The following FAAH variants were observed in gnomAD, a reference collection of about 807,000 sequenced individuals.
FAAH encodes fatty-acid amide hydrolase 1.
FAAH carries 63 observed loss-of-function variants against 69.7 expected under a neutral mutation model. The observed-to-expected ratio is 0.90, with a 90% confidence interval of 0.74 to 1.12. The LOEUF (loss-of-function observed/expected upper bound fraction) is 1.12, where lower values mean the gene tolerates loss of function less well. Among genes scored for constraint, FAAH ranks in the 50% most tolerant of loss-of-function variants. The pLI, the probability that FAAH is intolerant of heterozygous loss-of-function variation, is 0.00. For missense variants in FAAH, 680 were observed against 755.0 expected (o/e 0.90, Z 1.16); for synonymous variants, 305 against 324.2 (o/e 0.94, Z 0.64).
At chr1:46,402,238 A>G in intron 2 of FAAH, 34 bp downstream of exon 2, 3 of 1,530,906 alleles carry the variant, frequency 2.0e-6, no homozygotes, top group South Asian at 2.4e-5. Context: ...CTCCCTGGGA[A>G]AGGTAAGGCC....
intron 1 of FAAH, 129 bp from the exon 2 acceptor site, chr1:46,401,962 C>T (rs962214800): frequency 1.5e-5 from 12 of 791,840 alleles, no homozygotes; most frequent in Non-Finnish European, 2.2e-5. Flanking sequence ...GAGCTGCATT[C>T]TCTAGGGATG....
Position 46,405,754 on chromosome 1 carries a change from T to G in FAAH, c.745T>G (p.Cys249Gly). The change falls in exon 5 of 15, where the codon TGC becomes GGC. Residue 249 changes from cysteine (C) to glycine (G), a missense_variant. By Grantham distance (159) the Cys-to-Gly change is radical. Coordinates refer to ENST00000243167, the MANE Select transcript of FAAH (RefSeq NM_001441.3). The surrounding 1 kb of genome is among the most constrained non-coding windows in gnomAD (Gnocchi z 4.1). ...GGSIRFPSSF[C>G]GICGLKPTGN... The stretch of plus-strand genomic sequence containing the variant: ...CAGCATCCGCTTCCCCTCCTCCTTC[T>G]GCGGCATCTGCGGCCTCAAGCCCAC... 1 of 1,613,460 alleles carries G rather than the reference T, an allele frequency of 6.2e-7. No homozygotes were observed. The highest frequency in any genetic ancestry group is 8.5e-7 in the Non-Finnish European group (1 of 1,180,014).
chr1:46,395,480 C>T (rs564641337), intron 1 of FAAH, among the ~76,000 whole-genome samples: 1 of 152,164 alleles, frequency 6.6e-6, no homozygotes, highest in Admixed American at 6.5e-5. Context: ...GGTTTGGAGG[C>T]GTGGAAGGGC....
chr1:46,410,351 A>G lies in FAAH; in HGVS notation c.1176-47A>G. On this transcript the variant is annotated intron_variant, in intron 9 of 14. Transcript: ENST00000243167. This position sits in a 1 kb window ranked among gnomAD's most constrained non-coding sequence, Gnocchi z 4.9. ...CTGTGGGCCGGGCGAGCAAGCTGGG[A>G]AGGATGTGGGGATGGGAGTGCCTGG... 6.7e-7 allele frequency: 1 copy of G among 1,501,590 alleles called. No homozygotes were observed. The allele number at this position is 1,501,590 out of a possible 1,614,324, so 93.0% of individuals were successfully genotyped here. A position where few individuals can be genotyped will look rare whatever the true frequency, so the allele number is the denominator to read the frequency against.
chr1:46,409,278 C>T lies in FAAH; in HGVS notation c.1175+80C>T, dbSNP rs972072644. Reference sequence around the variant, plus strand: ...GGGGGAGCAGCAGGGTGTGGTGATGCCTGGATGGGCCTTAGCTGAATCCAA... The same window carrying T: ...GGGGGAGCAGCAGGGTGTGGTGATGTCTGGATGGGCCTTAGCTGAATCCAA... On this transcript the variant is annotated intron_variant, in intron 9 of 14. Coordinates refer to ENST00000243167, the MANE Select transcript of FAAH (RefSeq NM_001441.3). 7.9e-5 allele frequency: 85 copies of T among 1,080,722 alleles called. No homozygotes were observed. The African/African-American group carries it at 1.1e-3, about 15-fold the overall frequency. The allele number at this position is 1,080,722 out of a possible 1,614,324, so 66.9% of individuals were successfully genotyped here.
intron 8 of FAAH, among the ~76,000 whole-genome samples, 159 bp from the exon 9 acceptor site, chr1:46,408,942 G>A (rs1178250427): frequency 6.6e-6 from 1 of 152,220 alleles, no homozygotes; most frequent in Non-Finnish European, 1.5e-5. Flanking sequence ...GCATTCCACA[G>A]TGAGTTTTCA....
At position 46,408,586 on chromosome 1, in the gene FAAH, T is replaced by A; in HGVS notation, c.1077+2T>A. ...AGCCTTGAGGCTGCGGGGCACACGG[T>A]ATGACTGCAGGGTCCTGGAAGTACT... On this transcript the variant is annotated splice_donor_variant, in intron 8 of 14. Transcript: ENST00000243167. LOFTEE classifies it high-confidence loss of function. 1.2e-6 allele frequency: 2 copies of A among 1,614,134 alleles called. No individual in the cohort carries two copies. Among genetic ancestry groups the A allele is most frequent in the Non-Finnish European group, 1.7e-6 (2 of 1,180,020 alleles).
chr1:46,408,636 C>T (rs781688484), intron 8 of FAAH, 52 bp downstream of exon 8: 12 of 1,612,806 alleles, frequency 7.4e-6, no homozygotes, highest in Non-Finnish European at 1.0e-5. Flanking sequence ...TCACGGGAAG[C>T]CTTCCTGGTA....
rs1210635721 is a variant in FAAH, at chr1:46,405,732, C to T, written c.723C>T (p.Ser241=). Residue 241 remains serine, a synonymous_variant, in exon 5 of 15, where the codon AGC becomes AGT. Transcript: ENST00000243167. The surrounding 1 kb of genome is among the most constrained non-coding windows in gnomAD (Gnocchi z 4.1). The part of the protein sequence containing the change: ...PLGLGTDIGG[S]IRFPSSFCGI... ...GCTTAGGCACTGATATCGGAGGCAGCATCCGCTTCCCCTCCTCCTTCTGCG... is the reference window on the plus strand; with the variant it reads ...GCTTAGGCACTGATATCGGAGGCAGTATCCGCTTCCCCTCCTCCTTCTGCG... The T allele has an allele frequency of 4.3e-6, 7 of 1,613,504 alleles. No individual in the cohort carries two copies. The highest frequency in any genetic ancestry group is 5.9e-6 in the Non-Finnish European group (7 of 1,180,040).
At chr1:46,396,345 C>G (rs148349328) in intron 1 of FAAH, among the ~76,000 whole-genome samples, 1 of 152,208 alleles carries the variant, frequency 6.6e-6, no homozygotes. Context: ...TTCCCAGGGA[C>G]GAGCAGGAGA....
In FAAH at chr1:46,396,211, A is replaced by G. The variant is rs560467267; in HGVS notation, c.195+1668A>G. On this transcript the variant is annotated intron_variant, in intron 1 of 14. Coordinates refer to ENST00000243167, the MANE Select transcript of FAAH (RefSeq NM_001441.3). ...AGGCCAGATTTATGTTTGACTTTAT[A>G]CAAGCATCTCAGTGCAGTAAACAAC... Among the ~76,000 whole-genome samples, 6 of 152,280 alleles carry G rather than the reference A, an allele frequency of 3.9e-5. No individual in the cohort carries two copies. In the East Asian group the frequency reaches 9.7e-4, roughly 24 times the overall value.
At chr1:46,402,010 TG>T in intron 1 of FAAH, 80 bp from the exon 2 acceptor site, 1 of 1,194,962 alleles carries the variant, frequency 8.4e-7, no homozygotes, top group Non-Finnish European at 1.2e-6. Flanking sequence ...TCAGAGCTGC[TG>T]GGGCATGGGC....
At position 46,404,951 on chromosome 1, in the gene FAAH, T is replaced by C. The variant is rs1361604495; in HGVS notation, c.310-63T>C. 41 of 1,610,852 alleles carry C rather than the reference T, an allele frequency of 2.5e-5. 2 individuals are homozygous for C. The Admixed American group carries it at 6.2e-4, about 24-fold the overall frequency. ...AAGGCCAGTTCTACATGATGTATAT[T>C]TCACCACAATTTCTTAAAAAGGCCA... On this transcript the variant is annotated intron_variant, in intron 2 of 14. Coordinates refer to ENST00000243167, the MANE Select transcript of FAAH (RefSeq NM_001441.3). The surrounding 1 kb of genome is among the most constrained non-coding windows in gnomAD (Gnocchi z 4.5).
In FAAH at chr1:46,404,939, C is replaced by T; in HGVS notation, c.310-75C>T. ...GGTATACTTTAAAAGGCCAGTTCTA[C>T]ATGATGTATATTTCACCACAATTTC... On this transcript the variant is annotated intron_variant, in intron 2 of 14. Transcript: ENST00000243167. This position sits in a 1 kb window ranked among gnomAD's most constrained non-coding sequence, Gnocchi z 4.5. The T allele has an allele frequency of 1.2e-6, 2 of 1,602,132 alleles. No individual in the cohort carries two copies. Among genetic ancestry groups the T allele is most frequent in the Non-Finnish European group, 8.5e-7 (1 of 1,171,242 alleles).
intron 1 of FAAH, among the ~76,000 whole-genome samples, chr1:46,399,225 C>T (rs1664654409): frequency 6.6e-6 from 1 of 152,192 alleles, no homozygotes; most frequent in Non-Finnish European, 1.5e-5. Context: ...GGAGGAGGGG[C>T]AATGCCTCCT....
At chr1:46,409,593 C>T (rs1342694064) in intron 9 of FAAH, among the ~76,000 whole-genome samples, 5 of 152,094 alleles carry the variant, frequency 3.3e-5, no homozygotes, top group Non-Finnish European at 7.3e-5. Flanking sequence ...TGAGCAGGAC[C>T]TCAGCTTTCT....
At chr1:46,406,437 A>G (rs1664796630) in intron 7 of FAAH, 69 bp downstream of exon 7, 1 of 1,603,252 alleles carries the variant, frequency 6.2e-7, no homozygotes, top group South Asian at 1.1e-5. Flanking sequence ...CCTTGTGGGC[A>G]GGCCTTGGAG....
chr1:46,412,154 A>T lies in FAAH; in HGVS notation c.1368A>T (p.Lys456Asn). The change falls in exon 13 of 15, where the codon AAA (lysine) becomes AAT (asparagine). Residue 456 changes from lysine (K) to asparagine (N), a missense_variant. Physicochemically the swap from Lys to Asn is moderately conservative, Grantham distance 94. Transcript: ENST00000243167. ...TGTGTCCTCCGCAGGTGTACCGCAAAACCGTGATTGCCCAGTGGAGGGCGC... is the reference window on the plus strand; with the variant it reads ...TGTGTCCTCCGCAGGTGTACCGCAATACCGTGATTGCCCAGTGGAGGGCGC... ...ELQHEIEVYR[K>N]TVIAQWRALD... 2 of 1,559,976 alleles carry T rather than the reference A, an allele frequency of 1.3e-6. No individual in the cohort carries two copies.
At chr1:46,413,257 C>G in intron 14 of FAAH, 37 bp downstream of exon 14, 3 of 1,613,776 alleles carry the variant, frequency 1.9e-6, no homozygotes, top group Non-Finnish European at 2.5e-6. Context: ...GACTCACTCC[C>G]CACCCTGACT....
Sources: allele counts gnomAD v4.1 joint callset (sites outside exome capture counted in the v4.1 genomes callset), GRCh38; gene constraint gnomAD v4.1.1; non-coding constraint Gnocchi (gnomAD v3.1); transcripts MANE v1.5; gene names NCBI Gene and HGNC (gene_info 2026-07-23, HGNC 2026-07-21).